Variants in COL26A1 observed in about 807,000 individuals in gnomAD.
COL26A1 encodes collagen type XXVI alpha 1 chain, also known as collagen alpha-1(XXVI) chain.
COL26A1 carries 41 observed loss-of-function variants against 59.3 expected under a neutral mutation model. That is an observed-to-expected ratio of 0.69 (90% CI 0.54 to 0.90). The LOEUF is 0.90. COL26A1 is among the 40% of genes least tolerant of loss of function. The pLI is 0.00. For synonymous variants in COL26A1, 266 were observed against 256.0 expected (o/e 1.04, Z -0.37); for missense variants, 612 against 602.3 (o/e 1.02, Z -0.17).
At chr7:101,499,101 C>A (rs187425153) in intron 3 of COL26A1, among the ~76,000 whole-genome samples, 1 of 152,182 alleles carries the variant, frequency 6.6e-6, no homozygotes, top group African/African-American at 2.4e-5. Context: ...GGAAGGTCGG[C>A]TGGGGAGGGG....
chr7:101,362,668 T>C (rs1463388328), upstream of COL26A1, among the ~76,000 whole-genome samples: 1 of 151,988 alleles, frequency 6.6e-6, no homozygotes, highest in Non-Finnish European at 1.5e-5. Flanking sequence ...GGTTCTAAGG[T>C]GTGTAGCGGG....
chr7:101,420,148 G>A (rs767060261), intron 2 of COL26A1, 49 bp downstream of exon 2: 30 of 1,602,438 alleles, frequency 1.9e-5, no homozygotes, highest in Middle Eastern at 1.9e-4. Context: ...CCATTCCCTC[G>A]GACAAAACCA....
chr7:101,489,864 T>G (rs867942082), intron 3 of COL26A1, among the ~76,000 whole-genome samples: 5 of 54,374 alleles, frequency 9.2e-5, no homozygotes, highest in Non-Finnish European at 1.3e-4. Context: ...CTTTCTTTCT[T>G]TCTTTCTTTC....
chr7:101,489,822 CTTT>C (rs1794393689), intron 3 of COL26A1, among the ~76,000 whole-genome samples: 6 of 7,050 alleles, frequency 8.5e-4, no homozygotes, highest in Admixed American at 1.5e-3. Flanking sequence ...TTCTTTCTTT[CTTT>C]CTTTCTTTCT....
At chr7:101,523,486 T>C (rs1795180295) in intron 3 of COL26A1, among the ~76,000 whole-genome samples, 1 of 152,256 alleles carries the variant, frequency 6.6e-6, no homozygotes, top group Non-Finnish European at 1.5e-5. Flanking sequence ...CTATGTTTTC[T>C]TCCAAATGCT....
intron 1 of COL26A1, among the ~76,000 whole-genome samples, chr7:101,411,543 A>T (rs1447733874): frequency 6.6e-6 from 1 of 151,686 alleles, no homozygotes; most frequent in Admixed American, 6.6e-5. Flanking sequence ...AGGAAAGGAG[A>T]AGGTGGAGTC....
intron 4 of COL26A1, among the ~76,000 whole-genome samples, chr7:101,535,673 G>T (rs1238394634): frequency 1.3e-5 from 2 of 152,172 alleles, no homozygotes; most frequent in Non-Finnish European, 2.9e-5. Context: ...GGACAGCAGT[G>T]CGTGGGAGGA....
chr7:101,400,261 G>A (rs1024782662), intron 1 of COL26A1, among the ~76,000 whole-genome samples: 5 of 152,114 alleles, frequency 3.3e-5, no homozygotes, highest in Admixed American at 6.6e-5. Context: ...AGGAGCGCAG[G>A]GAGATCCTTG....
intron 3 of COL26A1, among the ~76,000 whole-genome samples, chr7:101,497,292 G>A (rs745495835): frequency 6.6e-6 from 1 of 152,168 alleles, no homozygotes; most frequent in Non-Finnish European, 1.5e-5. Flanking sequence ...CCAGGGAGCG[G>A]GAGGCTCCTC....
rs748839305 is a variant in COL26A1 at position 101,557,504 on chromosome 7, G to A, written c.1300G>A (p.Val434Met). The change falls in exon 13 of 13, where the codon GTG becomes ATG. Residue 434 changes from valine (V) to methionine (M), a missense_variant. Coordinates refer to ENST00000313669, the MANE Select transcript of COL26A1 (RefSeq NM_001278563.3). ...LLGPDPGQKS[V>M]DQASSRK The stretch of plus-strand genomic sequence containing the variant: ...TGGGCCCGACCCTGGACAGAAGAGC[G>A]TGGACCAGGCCAGCAGCAGGAAGTG... 121 of 1,611,778 alleles carry A rather than the reference G, an allele frequency of 7.5e-5. 1 individual carries two copies. The highest frequency in any genetic ancestry group is 4.1e-4 in the South Asian group (37 of 90,980).
rs1276281688 is a variant in COL26A1, at chr7:101,475,814, TTCTTTCTCTC to T, written c.385+28041_385+28050del. Among the ~76,000 whole-genome samples, 5 of 148,096 alleles carry T rather than the reference TTCTTTCTCTC, an allele frequency of 3.4e-5. No individual in the cohort carries two copies. In the East Asian group the frequency reaches 5.9e-4, roughly 18 times the overall value. On this transcript the variant is annotated intron_variant, in intron 3 of 12. Coordinates refer to ENST00000313669, the MANE Select transcript of COL26A1 (RefSeq NM_001278563.3). ...CTTCCTTCCTTCCTTCCTTCTTTCT[TTCTTTCTCTC>T]TCTTTCTCTCTCTCTCTTTCTTTCT...
intron 1 of COL26A1, among the ~76,000 whole-genome samples, chr7:101,367,039 T>A (rs138622957): frequency 1.5e-3 from 225 of 152,336 alleles, no homozygotes; most frequent in African/African-American, 5.1e-3. Context: ...GTCCACGTAC[T>A]AGTTTTGACT....
In COL26A1 at chr7:101,489,655, T is replaced by TTCTG; in HGVS notation, c.385+41871_385+41872insGTCT. Among the ~76,000 whole-genome samples, 21 of 75,400 alleles carry TTCTG rather than the reference T, an allele frequency of 2.8e-4. 2 individuals are homozygous for TTCTG. The highest frequency in any genetic ancestry group is 2.3e-3 in the African/African-American group (20 of 8,724). The allele number at this position is 75,400 out of a possible 152,430, so 49.5% of individuals were successfully genotyped here. A position where few individuals can be genotyped will look rare whatever the true frequency, so the allele number is the denominator to read the frequency against. On this transcript the variant is annotated intron_variant, in intron 3 of 12. Transcript: ENST00000313669. ...TTTCTTTCTTTCTTTCTTTCTTTCTTTCTTTCTTCCTTCCTTCCTTCCTTC... is the reference window on the plus strand; with the variant it reads ...TTTCTTTCTTTCTTTCTTTCTTTCTTTCTGTCTTTCTTCCTTCCTTCCTTCCTTC...
At chr7:101,505,653 T>G (rs531479659) in intron 3 of COL26A1, among the ~76,000 whole-genome samples, 2 of 152,300 alleles carry the variant, frequency 1.3e-5, no homozygotes, top group East Asian at 3.9e-4. Flanking sequence ...AGTCTAGTCT[T>G]TTCACATTCT....
In COL26A1 at chr7:101,549,202, C is replaced by A; in HGVS notation, c.972C>A (p.Pro324=). The change falls in exon 9 of 13, where the codon CCC becomes CCA. Residue 324 remains proline, a synonymous_variant. Transcript: ENST00000313669. Reference sequence around the variant, plus strand: ...CTGGGCCTCGAGGTCCCCCAGGACCCCCAGGAACACCTGGATCCCAGGTAA... The same window carrying A: ...CTGGGCCTCGAGGTCCCCCAGGACCACCAGGAACACCTGGATCCCAGGTAA... ...GPPGPRGPPG[P]PGTPGSQGLA... is the part of the protein sequence containing the mutation. The A allele has an allele frequency of 6.2e-7, 1 of 1,605,798 alleles. No homozygotes were observed.
chr7:101,423,698 G>A (rs993900883), intron 2 of COL26A1, among the ~76,000 whole-genome samples: 3 of 152,062 alleles, frequency 2.0e-5, no homozygotes, highest in Non-Finnish European at 4.4e-5. Flanking sequence ...TCGCACCACC[G>A]CACTACAGCC....
chr7:101,550,538 C>G (rs1584507609), intron 9 of COL26A1, among the ~76,000 whole-genome samples: 1 of 152,070 alleles, frequency 6.6e-6, no homozygotes, highest in Non-Finnish European at 1.5e-5. Context: ...TGGAATAAGT[C>G]TGGTGAGAAG....
At position 101,471,567 on chromosome 7, in the gene COL26A1, G is replaced by GTTTTT. The variant is rs796287195; in HGVS notation, c.385+23783_385+23784insTTTTT. Among the ~76,000 whole-genome samples the GTTTTT allele has an allele frequency of 9.8e-5, 11 of 112,418 alleles. 1 individual carries two copies. The highest frequency in any genetic ancestry group is 3.5e-4 in the African/African-American group (10 of 28,440). The allele number at this position is 112,418 out of a possible 152,430, so 73.8% of individuals were successfully genotyped here. ...ATAATGTTTTGTTGTTGTTGTTGTT[G>GTTTTT]TTTGTTTTTTTTTTTTTTTTTTTTT... On this transcript the variant is annotated intron_variant, in intron 3 of 12. Transcript: ENST00000313669.
At chr7:101,373,306 G>T (rs35287067) in intron 1 of COL26A1, among the ~76,000 whole-genome samples, 88,247 of 152,100 alleles carry the variant, frequency 0.58, 27,180 homozygotes, top group African/African-American at 0.8. Context: ...AGTGCCTGGG[G>T]GACACCAAGG....
Sources: gnomAD v4.1 joint callset for allele counts (sites outside exome capture counted in the v4.1 genomes callset) on GRCh38, gnomAD v4.1.1 for gene constraint, MANE v1.5 for transcripts, NCBI Gene and HGNC (gene_info 2026-07-23, HGNC 2026-07-21) for gene names.